Variants in CNNM2 observed in about 807,000 individuals in gnomAD.
CNNM2 encodes the protein metal transporter CNNM2.
CNNM2 carries 12 observed loss-of-function variants against 66.9 expected under a neutral mutation model. That is an observed-to-expected ratio of 0.18 (90% CI 0.11 to 0.29). The LOEUF is 0.29. Ranked by LOEUF, CNNM2 falls within the 10% of genes least tolerant of loss-of-function variation. The probability of loss-of-function intolerance (pLI) is 1.00; values close to 1 mark genes in which losing one functional copy is unlikely to be tolerated. For missense variants in CNNM2, 705 were observed against 1,167.7 expected (o/e 0.60, Z 5.77); for synonymous variants, 557 against 501.8 (o/e 1.11, Z -1.47).
At chr10:102,981,122 G>A (rs1213098105) in intron 1 of CNNM2, among the ~76,000 whole-genome samples, 3 of 152,046 alleles carry the variant, frequency 2.0e-5, no homozygotes, top group African/African-American at 4.8e-5. Flanking sequence ...GCTGAAACAG[G>A]TGATCGCTTG....
At chr10:102,926,876 C>T (rs1216156276) in intron 1 of CNNM2, among the ~76,000 whole-genome samples, 12 of 151,776 alleles carry the variant, frequency 7.9e-5, no homozygotes, top group Non-Finnish European at 1.8e-4. Flanking sequence ...CTGCCATGCC[C>T]GGCTAATTTT....
chr10:102,944,827 C>T (rs1846552733), intron 1 of CNNM2, among the ~76,000 whole-genome samples: 1 of 152,084 alleles, frequency 6.6e-6, no homozygotes, highest in South Asian at 2.1e-4. Flanking sequence ...TCTTTGATGT[C>T]CTTTTATCCA....
chr10:103,066,939 G>T (rs573694830), intron 4 of CNNM2, among the ~76,000 whole-genome samples: 2 of 152,156 alleles, frequency 1.3e-5, no homozygotes, highest in Middle Eastern at 3.4e-3. Context: ...AAGTTTATAC[G>T]GCAAGATAAT....
At chr10:102,933,846 T>C (rs1336060678) in intron 1 of CNNM2, among the ~76,000 whole-genome samples, 1 of 152,106 alleles carries the variant, frequency 6.6e-6, no homozygotes, top group East Asian at 1.9e-4. Flanking sequence ...TGTTTTTGTT[T>C]GTATTTGTGA....
Position 103,052,518 on chromosome 10 carries a change from CTT to C in CNNM2, c.1766-1798_1766-1797del, listed in dbSNP as rs71019652. On this transcript the variant is annotated intron_variant, in intron 2 of 7. Transcript: ENST00000369878. The stretch of plus-strand genomic sequence containing the variant: ...TGGACTTGTGGTTTCAGGTTTTTTT[CTT>C]TTTTTTTTTTTTAGACTAAGTCTTG... Among the ~76,000 whole-genome samples, 15,399 of 142,368 alleles carry C rather than the reference CTT, an allele frequency of 0.11. 810 individuals carry two copies. The highest frequency in any genetic ancestry group is 0.18 in the Middle Eastern group (52 of 282). The allele number at this position is 142,368 out of a possible 152,430, so 93.4% of individuals were successfully genotyped here.
At chr10:102,951,735 C>T (rs1303241204) in intron 1 of CNNM2, among the ~76,000 whole-genome samples, 1 of 149,912 alleles carries the variant, frequency 6.7e-6, no homozygotes, top group East Asian at 2.0e-4. Context: ...ACCTTCTGGG[C>T]TCTAGCAGTC....
At position 103,068,715 on chromosome 10, in the gene CNNM2, C is replaced by T; in HGVS notation, c.2160C>T (p.Ala720=). 1 of 1,612,028 alleles carries T rather than the reference C, an allele frequency of 6.2e-7. No individual in the cohort carries two copies. Among genetic ancestry groups the T allele is most frequent in the Non-Finnish European group, 8.5e-7 (1 of 1,179,056 alleles). ...FSYYGVMALT[A]SPVPLSLSRT... ...ACTATGGCGTGATGGCCCTGACAGC[C>T]TCTCCAGGTATGTTTGGTTCCCAGC... Residue 720 remains alanine, a synonymous_variant, in exon 5 of 8, where the codon GCC becomes GCT. Transcript: ENST00000369878.
chr10:103,043,144 G>A (rs1176301403), intron 1 of CNNM2, among the ~76,000 whole-genome samples: 2 of 152,182 alleles, frequency 1.3e-5, no homozygotes, highest in Non-Finnish European at 2.9e-5. Context: ...ATGTCATGGC[G>A]AATGTAAGAT....
At chr10:103,030,711 AG>A (rs545570600) in intron 1 of CNNM2, among the ~76,000 whole-genome samples, 33 of 152,114 alleles carry the variant, frequency 2.2e-4, no homozygotes, top group Non-Finnish European at 1.8e-4. Flanking sequence ...CCCTCTTGGC[AG>A]GGGGGGAAGT....
intron 1 of CNNM2, among the ~76,000 whole-genome samples, chr10:103,009,674 CAAAAAAA>C (rs36096913): frequency 3.2e-4 from 19 of 58,636 alleles, no homozygotes; most frequent in Admixed American, 6.8e-4. Flanking sequence ...CCTGAGTCTC[CAAAAAAA>C]AAAAAAAAAA....
chr10:103,075,786 A>G (rs113794376), intron 6 of CNNM2, among the ~76,000 whole-genome samples: 4 of 151,960 alleles, frequency 2.6e-5, no homozygotes, highest in African/African-American at 9.7e-5. Context: ...ATCTCACAGT[A>G]CCCGGGAATG....
At chr10:102,990,960 A>G (rs573344853) in intron 1 of CNNM2, among the ~76,000 whole-genome samples, 39 of 152,238 alleles carry the variant, frequency 2.6e-4, no homozygotes, top group African/African-American at 9.4e-4. Context: ...AATGAGACCC[A>G]ATTCTTACAT....
intron 1 of CNNM2, among the ~76,000 whole-genome samples, chr10:102,966,202 A>G (rs923345441): frequency 6.6e-6 from 1 of 152,240 alleles, no homozygotes. Flanking sequence ...ATAAACTGGA[A>G]TAAATAAACT....
Position 103,015,611 on chromosome 10 carries a change from T to C in CNNM2, c.1622-34096T>C, listed in dbSNP as rs7070666. 7.6e-3 allele frequency among the ~76,000 whole-genome samples: 1,156 copies of C among 152,140 alleles called. 8 individuals carry two copies. The highest frequency in any genetic ancestry group is 0.025 in the African/African-American group (1,025 of 41,514). ...GCTCACGCCTGTAATCACAGCACTT[T>C]AGAAGGCCAAGGAGGGTGGATCACT... On this transcript the variant is annotated intron_variant, in intron 1 of 7. Coordinates refer to ENST00000369878, the MANE Select transcript of CNNM2 (RefSeq NM_017649.5).
Position 103,078,563 on chromosome 10 carries a change from G to GGT in CNNM2, c.*1384_*1385dup, listed in dbSNP as rs796771178. 1.4e-4 allele frequency: 21 copies of GGT among 152,342 alleles called. No homozygotes were observed. Among genetic ancestry groups the GGT allele is most frequent in the African/African-American group, 4.6e-4 (19 of 41,572 alleles). The allele number at this position is 152,342 out of a possible 1,614,324, so 9.4% of individuals were successfully genotyped here. A position where few individuals can be genotyped will look rare whatever the true frequency, so the allele number is the denominator to read the frequency against. On this transcript the variant is annotated 3_prime_UTR_variant, in exon 8 of 8. Transcript: ENST00000369878. ...ATCATGTAGTGAAATTATGTCAGGA[G>GGT]GTATATGAGTGACTGAATTCTTAAC...
At chr10:103,059,841 T>A (rs2065354709) in intron 4 of CNNM2, among the ~76,000 whole-genome samples, 1 of 152,194 alleles carries the variant, frequency 6.6e-6, no homozygotes, top group Admixed American at 6.5e-5. Flanking sequence ...AGAAATATAC[T>A]TTCGAAAAAG....
chr10:103,066,528 G>T (rs1316609888), intron 4 of CNNM2, among the ~76,000 whole-genome samples: 1 of 152,148 alleles, frequency 6.6e-6, no homozygotes, highest in Admixed American at 6.5e-5. Flanking sequence ...CTGGGGATCT[G>T]CTCACCCAGC....
At position 103,089,652 on chromosome 10, in the gene CNNM2, T is replaced by C; in HGVS notation, c.*12472T>C. The C allele has an allele frequency of 1.3e-6, 2 of 1,574,440 alleles. No individual in the cohort carries two copies. The highest frequency in any genetic ancestry group is 1.7e-6 in the Non-Finnish European group (2 of 1,160,326). ...TGCCAGGACTTGTTTAATGGGTGCT[T>C]GGGGTTTTGGTTTTCCTCCTTATTC... On this transcript the variant is annotated 3_prime_UTR_variant, in exon 8 of 8. Coordinates refer to ENST00000369878, the MANE Select transcript of CNNM2 (RefSeq NM_017649.5).
intron 1 of CNNM2, among the ~76,000 whole-genome samples, chr10:103,044,379 G>A (rs1299544919): frequency 6.6e-6 from 1 of 152,008 alleles, no homozygotes; most frequent in East Asian, 1.9e-4. Context: ...AATATAGCGA[G>A]ACCCTGTCTC....
Sources: allele counts gnomAD v4.1 joint callset (sites outside exome capture counted in the v4.1 genomes callset), GRCh38; gene constraint gnomAD v4.1.1; transcripts MANE v1.5; gene names NCBI Gene and HGNC (gene_info 2026-07-23, HGNC 2026-07-21).